MALRD1: variants seen among roughly 807,000 people sequenced by gnomAD.
MALRD1 encodes the protein MAM and LDL receptor class A domain containing 1, also known as MAM and LDL-receptor class A domain-containing protein 1.
Under a neutral mutation model 242.1 loss-of-function variants are expected in MALRD1, and 247 were observed. The observed-to-expected ratio is 1.02, with a 90% CI of 0.92 to 1.13. The LOEUF is 1.13. MALRD1 is among the 50% of genes most tolerant of loss of function. The probability of loss-of-function intolerance (pLI) is 0.00; values close to 1 mark genes in which losing one functional copy is unlikely to be tolerated. For missense variants in MALRD1, 2,989 were observed against 2,533.1 expected (o/e 1.18, Z -3.86); for synonymous variants, 995 against 866.6 (o/e 1.15, Z -2.60).
chr10:19,300,782 A>G (rs1024731620), intron 21 of MALRD1, among the ~76,000 whole-genome samples: 1 of 152,058 alleles, frequency 6.6e-6, no homozygotes, highest in Admixed American at 6.6e-5. Context: ...AGGAAATACT[A>G]TTCTGGACAT....
chr10:19,392,804 G>T (rs1846394416), intron 28 of MALRD1, among the ~76,000 whole-genome samples: 1 of 152,170 alleles, frequency 6.6e-6, no homozygotes. Context: ...TGTAGTTAAA[G>T]TTTTTTGAAC....
chr10:19,380,432 C>G (rs1321425963), intron 26 of MALRD1, among the ~76,000 whole-genome samples: 1 of 151,948 alleles, frequency 6.6e-6, no homozygotes, highest in Non-Finnish European at 1.5e-5. Flanking sequence ...AATTATTCCC[C>G]TCAGCTGTTC....
Position 19,176,970 on chromosome 10 carries a change from G to A in MALRD1, c.1951+1642G>A, listed in dbSNP as rs573443814. ...AGGAGTGCAGAGCAGCAGATTTAAG[G>A]ATTCATTTAAAGATTCATGAGTTTG... On this transcript the variant is annotated intron_variant, in intron 14 of 39. Transcript: ENST00000454679. Among the ~76,000 whole-genome samples the A allele has an allele frequency of 1.1e-4, 16 of 151,948 alleles. 1 individual carries two copies. The South Asian group carries it at 3.1e-3, about 30-fold the overall frequency.
At chr10:19,262,209 T>G in intron 19 of MALRD1, among the ~76,000 whole-genome samples, 1 of 152,144 alleles carries the variant, frequency 6.6e-6, no homozygotes, top group East Asian at 1.9e-4. Flanking sequence ...CCTACTTTAT[T>G]AAGATATAAT....
chr10:19,508,831 G>T (rs2131280909), intron 31 of MALRD1, among the ~76,000 whole-genome samples: 1 of 152,208 alleles, frequency 6.6e-6, no homozygotes, highest in South Asian at 2.1e-4. Flanking sequence ...ACACTGCATA[G>T]GTAAAGAAGG....
chr10:19,488,915 G>A (rs1304598838), intron 29 of MALRD1: 5 of 365,980 alleles, frequency 1.4e-5, no homozygotes, highest in South Asian at 9.8e-5. Flanking sequence ...AGTAGTTTGG[G>A]TTATTACATG....
chr10:19,237,678 TATA>T (rs1282876383), intron 18 of MALRD1, among the ~76,000 whole-genome samples: 3 of 119,998 alleles, frequency 2.5e-5, no homozygotes, highest in African/African-American at 6.4e-5. Flanking sequence ...TATAATTATA[TATA>T]ATTTATATAT....
At chr10:19,534,915 C>T (rs1834589899) in intron 32 of MALRD1, among the ~76,000 whole-genome samples, 1 of 149,090 alleles carries the variant, frequency 6.7e-6, no homozygotes, top group Admixed American at 6.6e-5. Context: ...GAGATGAAGT[C>T]TCGCTCTGTT....
At chr10:19,286,286 C>G (rs28872827) in intron 21 of MALRD1, among the ~76,000 whole-genome samples, 12,226 of 140,270 alleles carry the variant, frequency 0.087, 538 homozygotes, top group South Asian at 0.2. Flanking sequence ...ACTTCCAACA[C>G]TATGTTGAAT....
chr10:19,084,497 G>A (rs943943570), intron 2 of MALRD1, among the ~76,000 whole-genome samples: 41 of 151,672 alleles, frequency 2.7e-4, no homozygotes, highest in African/African-American at 6.8e-4. Context: ...GAGCCAATTG[G>A]TTACTCTGTA....
intron 34 of MALRD1, among the ~76,000 whole-genome samples, chr10:19,602,705 A>T (rs1359082547): frequency 6.6e-6 from 1 of 152,138 alleles, no homozygotes; most frequent in Non-Finnish European, 1.5e-5. Flanking sequence ...CTTTGGGTAT[A>T]TACACAGTAA....
chr10:19,116,403 T>C (rs536377078), intron 5 of MALRD1, among the ~76,000 whole-genome samples: 1 of 152,334 alleles, frequency 6.6e-6, no homozygotes, highest in South Asian at 2.1e-4. Context: ...TCCAGTTAAA[T>C]AACTAAGGAC....
intron 11 of MALRD1, among the ~76,000 whole-genome samples, chr10:19,152,013 C>A (rs1270005314): frequency 1.3e-5 from 2 of 152,062 alleles, no homozygotes; most frequent in Non-Finnish European, 2.9e-5. Flanking sequence ...TAACAAGGTA[C>A]CTGTTTTGCA....
At chr10:19,196,610 G>A (rs2131597146) in intron 14 of MALRD1, among the ~76,000 whole-genome samples, 1 of 148,018 alleles carries the variant, frequency 6.8e-6, no homozygotes, top group East Asian at 2.0e-4. Context: ...TATATCTCCA[G>A]CCTAACCTCC....
intron 28 of MALRD1, among the ~76,000 whole-genome samples, chr10:19,439,070 C>T (rs931011189): frequency 6.6e-6 from 1 of 152,126 alleles, no homozygotes; most frequent in Non-Finnish European, 1.5e-5. Flanking sequence ...AAAATTCTCA[C>T]AGATTATACT....
chr10:19,591,579 A>G (rs1055637361), intron 33 of MALRD1, among the ~76,000 whole-genome samples: 1 of 149,974 alleles, frequency 6.7e-6, no homozygotes, highest in Admixed American at 6.7e-5. Context: ...GCTCACTGCA[A>G]CCTTCGCCTC....
intron 28 of MALRD1, among the ~76,000 whole-genome samples, chr10:19,403,901 C>G (rs949446232): frequency 6.6e-6 from 1 of 151,852 alleles, no homozygotes; most frequent in Non-Finnish European, 1.5e-5. Flanking sequence ...TCATTAGAAT[C>G]GGAGCTGAAT....
chr10:19,657,754 C>T (rs61844365), intron 36 of MALRD1, among the ~76,000 whole-genome samples: 2,347 of 152,070 alleles, frequency 0.015, 30 homozygotes, highest in Non-Finnish European at 0.025. Context: ...TGACTATAGC[C>T]TCACAGGGTT....
At chr10:19,271,342 C>T (rs1353367575) in intron 19 of MALRD1, among the ~76,000 whole-genome samples, 1 of 152,180 alleles carries the variant, frequency 6.6e-6, no homozygotes, top group East Asian at 1.9e-4. Flanking sequence ...GTTAAAATCT[C>T]TAATCGTTAT....
Sources: allele counts gnomAD v4.1 joint callset (sites outside exome capture counted in the v4.1 genomes callset), GRCh38; gene constraint gnomAD v4.1.1; transcripts MANE v1.5; gene names NCBI Gene and HGNC (gene_info 2026-07-23, HGNC 2026-07-21).